The following FA2H variants were observed in gnomAD, a reference collection of about 807,000 sequenced individuals.
The protein encoded by FA2H is fatty acid alpha-hydroxylase.
FA2H carries 22 observed loss-of-function variants against 44.9 expected under a neutral mutation model. That is an observed-to-expected ratio of 0.49 (90% CI 0.35 to 0.70). The LOEUF (loss-of-function observed/expected upper bound fraction) is 0.70, where lower values mean the gene tolerates loss of function less well. FA2H is among the 30% of genes least tolerant of loss of function. The pLI is 0.01. For missense variants in FA2H, 501 were observed against 504.9 expected (o/e 0.99, Z 0.07); for synonymous variants, 243 against 213.2 (o/e 1.14, Z -1.22).
chr16:74,766,235 G>A (rs1183211709), intron 1 of FA2H, among the ~76,000 whole-genome samples: 1 of 152,032 alleles, frequency 6.6e-6, no homozygotes, highest in African/African-American at 2.4e-5. Flanking sequence ...GGAGGCAGAG[G>A]TTACAGTGAG....
intron 1 of FA2H, 148 bp downstream of exon 1, chr16:74,774,338 G>A (rs1188183988): frequency 4.2e-6 from 3 of 713,764 alleles, no homozygotes; most frequent in East Asian, 3.4e-5. Context: ...GTGACCTGTT[G>A]CCTGGAGAGA....
At chr16:74,735,295 T>C (rs1962158402) in intron 2 of FA2H, among the ~76,000 whole-genome samples, 1 of 152,126 alleles carries the variant, frequency 6.6e-6, no homozygotes, top group South Asian at 2.1e-4. Context: ...GGTGGGGCTC[T>C]TGGTGGCGTT....
intron 1 of FA2H, among the ~76,000 whole-genome samples, chr16:74,767,708 C>T (rs932199436): frequency 6.6e-6 from 1 of 152,224 alleles, no homozygotes; most frequent in Non-Finnish European, 1.5e-5. Context: ...TCCCCTAGAG[C>T]ATCCAGAAGG....
At chr16:74,744,992 A>G (rs1038104905) in intron 1 of FA2H, among the ~76,000 whole-genome samples, 1 of 152,174 alleles carries the variant, frequency 6.6e-6, no homozygotes, top group African/African-American at 2.4e-5. Context: ...ACAAGTGTTG[A>G]TGAGTGTGGC....
intron 1 of FA2H, among the ~76,000 whole-genome samples, chr16:74,749,903 G>C (rs1429022077): frequency 6.6e-6 from 1 of 152,216 alleles, no homozygotes; most frequent in African/African-American, 2.4e-5. Flanking sequence ...GGGATCTGGA[G>C]AGGCCCCCAG....
intron 1 of FA2H, among the ~76,000 whole-genome samples, chr16:74,765,223 CT>C (rs1962788484): frequency 6.6e-6 from 1 of 151,040 alleles, no homozygotes; most frequent in African/African-American, 2.4e-5. Context: ...ATGGCGCGAT[CT>C]TGGCTCACTG....
At chr16:74,742,312 C>T (rs1409191157) in intron 1 of FA2H, among the ~76,000 whole-genome samples, 2 of 152,136 alleles carry the variant, frequency 1.3e-5, no homozygotes, top group Non-Finnish European at 2.9e-5. Context: ...CACCCTGCCA[C>T]GTGGTGGGGA....
intron 2 of FA2H, among the ~76,000 whole-genome samples, chr16:74,739,708 C>T (rs1236956401): frequency 6.6e-6 from 1 of 152,218 alleles, no homozygotes; most frequent in Non-Finnish European, 1.5e-5. Flanking sequence ...GCCTGCCAAG[C>T]CTGTCACAGC....
intron 1 of FA2H, among the ~76,000 whole-genome samples, chr16:74,772,260 A>G (rs530339449): frequency 2.3e-4 from 35 of 152,226 alleles, no homozygotes; most frequent in Admixed American, 1.7e-3. Flanking sequence ...CCTTTGCCCA[A>G]AATATTCTTC....
intron 2 of FA2H, among the ~76,000 whole-genome samples, chr16:74,730,505 T>C (rs1189190182): frequency 6.6e-6 from 1 of 152,090 alleles, no homozygotes. Flanking sequence ...GGAAGTGTGC[T>C]GTCTCATTCC....
chr16:74,728,589 G>A (rs1341643132), intron 2 of FA2H, among the ~76,000 whole-genome samples: 1 of 152,160 alleles, frequency 6.6e-6, no homozygotes, highest in Non-Finnish European at 1.5e-5. Context: ...TGAAGGCTTA[G>A]ATGATAGAAC....
chr16:74,737,165 G>A (rs1251245847), intron 2 of FA2H, among the ~76,000 whole-genome samples: 3 of 152,132 alleles, frequency 2.0e-5, no homozygotes, highest in Admixed American at 6.5e-5. Context: ...TGGAAAGGGT[G>A]GAGAGGGCTC....
At chr16:74,731,298 C>CTT (rs796570887) in intron 2 of FA2H, among the ~76,000 whole-genome samples, 35 of 131,360 alleles carry the variant, frequency 2.7e-4, no homozygotes, top group East Asian at 8.9e-4. Flanking sequence ...CCACGTCTGG[C>CTT]TTTTTTTTTT....
At chr16:74,744,962 C>T (rs1313258156) in intron 1 of FA2H, among the ~76,000 whole-genome samples, 2 of 152,182 alleles carry the variant, frequency 1.3e-5, no homozygotes, top group African/African-American at 4.8e-5. Flanking sequence ...CCCACACTGG[C>T]TTTCACAGGA....
At chr16:74,760,811 G>A (rs902597203) in intron 1 of FA2H, among the ~76,000 whole-genome samples, 10 of 152,120 alleles carry the variant, frequency 6.6e-5, no homozygotes, top group East Asian at 1.9e-4. Flanking sequence ...GGTACCCCTC[G>A]GCTTAATCTC....
chr16:74,759,991 G>C (rs1177945561), intron 1 of FA2H, among the ~76,000 whole-genome samples: 1 of 152,200 alleles, frequency 6.6e-6, no homozygotes, highest in Non-Finnish European at 1.5e-5. Flanking sequence ...CAAGGACAAA[G>C]GGACAAGAAC....
At chr16:74,750,685 T>G (rs1962510695) in intron 1 of FA2H, among the ~76,000 whole-genome samples, 1 of 152,160 alleles carries the variant, frequency 6.6e-6, no homozygotes, top group Non-Finnish European at 1.5e-5. Flanking sequence ...AAAGATTGGC[T>G]GACTTGTCTC....
chr16:74,725,532 G>A (rs8055618), intron 4 of FA2H, among the ~76,000 whole-genome samples: 5 of 152,292 alleles, frequency 3.3e-5, no homozygotes, highest in East Asian at 1.9e-4. Context: ...AAGCTGGGGC[G>A]CACCTGGTAT....
intron 1 of FA2H, among the ~76,000 whole-genome samples, chr16:74,745,186 C>T (rs1178141456): frequency 6.6e-6 from 1 of 152,186 alleles, no homozygotes. Flanking sequence ...TGTTCAGCTC[C>T]AGGGCTGTTG....
Sources: gnomAD v4.1 joint callset for allele counts (sites outside exome capture counted in the v4.1 genomes callset) on GRCh38, gnomAD v4.1.1 for gene constraint, MANE v1.5 for transcripts, NCBI Gene and HGNC (gene_info 2026-07-23, HGNC 2026-07-21) for gene names.